Variants in PKP4 observed in about 807,000 individuals in gnomAD.
PKP4 encodes plakophilin-4.
PKP4 carries 90 observed loss-of-function variants against 145.1 expected under a neutral mutation model. That is an observed-to-expected ratio of 0.62 (90% CI 0.52 to 0.74). The LOEUF (loss-of-function observed/expected upper bound fraction) is 0.74, where lower values mean the gene tolerates loss of function less well. Ranked by LOEUF, PKP4 falls within the 30% of genes least tolerant of loss-of-function variation. PKP4 has a pLI of 0.00. For missense variants in PKP4, 1,340 were observed against 1,482.7 expected (o/e 0.90, Z 1.58); for synonymous variants, 563 against 577.2 (o/e 0.98, Z 0.35).
chr2:158,511,328 G>A (rs1375824789), intron 1 of PKP4, among the ~76,000 whole-genome samples: 2 of 152,146 alleles, frequency 1.3e-5, no homozygotes, highest in East Asian at 1.9e-4. Flanking sequence ...GGAGGTTGCA[G>A]TGAGCCAAGA....
Position 158,666,464 on chromosome 2 carries a change from C to T in PKP4, c.2629C>T (p.Leu877Phe). The T allele has an allele frequency of 1.2e-6, 2 of 1,612,520 alleles. No individual in the cohort carries two copies. Among genetic ancestry groups the T allele is most frequent in the East Asian group, 2.2e-5 (1 of 44,800 alleles). The change falls in exon 16 of 22, where the codon CTT becomes TTT. Residue 877 changes from leucine to phenylalanine, a missense_variant. Physicochemically the swap from Leu to Phe is conservative, Grantham distance 22 (BLOSUM62 0). Coordinates refer to ENST00000389759, the MANE Select transcript of PKP4 (RefSeq NM_003628.6). ...AVRKEKGLPI[L>F]VELLRMDNDR... ...CCGAAAAGAAAAGGGGCTCCCCATC[C>T]TTGTGGAGCTTCTGAGAATGGATAA...
At chr2:158,516,826 T>C (rs2041977182) in intron 1 of PKP4, among the ~76,000 whole-genome samples, 1 of 151,862 alleles carries the variant, frequency 6.6e-6, no homozygotes, top group South Asian at 2.1e-4. Context: ...CATGCCTGGC[T>C]AATTTTTTGT....
At chr2:158,588,879 G>A (rs2105812871) in intron 3 of PKP4, 1 of 152,028 alleles carries the variant, frequency 6.6e-6, no homozygotes, top group Middle Eastern at 3.4e-3. Flanking sequence ...AGCTTTTCCT[G>A]TTTTCTAGAG....
At position 158,674,019 on chromosome 2, in the gene PKP4, C is replaced by T; in HGVS notation, c.3127+19C>T. 7.7e-7 allele frequency: 1 copy of T among 1,295,922 alleles called. No individual in the cohort carries two copies. The allele number at this position is 1,295,922 out of a possible 1,614,324, so 80.3% of individuals were successfully genotyped here. On this transcript the variant is annotated intron_variant, in intron 19 of 21. Coordinates refer to ENST00000389759, the MANE Select transcript of PKP4 (RefSeq NM_003628.6). ...CAGTCAGGTCAGTGGGAAAATGCCA[C>T]TCCTTGGCGAGAACCTTTGTGTGAC...
intron 2 of PKP4, 57 bp downstream of exon 2, chr2:158,533,373 TA>T (rs1342500545): frequency 1.9e-6 from 3 of 1,584,552 alleles, no homozygotes; most frequent in Non-Finnish European, 2.6e-6. Flanking sequence ...TTTAAAAAAT[TA>T]ATCTTTGGAT....
chr2:158,547,886 C>A (rs1002566922), intron 2 of PKP4, among the ~76,000 whole-genome samples: 2 of 152,154 alleles, frequency 1.3e-5, no homozygotes, highest in South Asian at 4.1e-4. Flanking sequence ...TTAGGCTGAG[C>A]GTCGAGGAGT....
At chr2:158,665,635 A>C (rs1278975515) in intron 15 of PKP4, among the ~76,000 whole-genome samples, 1 of 152,214 alleles carries the variant, frequency 6.6e-6, no homozygotes, top group Non-Finnish European at 1.5e-5. Flanking sequence ...AGCTGGAAAC[A>C]AGATTAAAGA....
chr2:158,521,316 A>T (rs2042352858), intron 1 of PKP4, among the ~76,000 whole-genome samples: 1 of 152,230 alleles, frequency 6.6e-6, no homozygotes, highest in African/African-American at 2.4e-5. Flanking sequence ...TCTAATTACT[A>T]ATAAGGTTGA....
chr2:158,680,305 C>A lies in PKP4; in HGVS notation c.3331-124C>A, dbSNP rs2058356424. On this transcript the variant is annotated intron_variant, in intron 21 of 21. Transcript: ENST00000389759. ...AGTGTGCACCAGAAACAGCTTTTAA[C>A]CTTAAACTGCAAATATTGAATATTG... The A allele has an allele frequency of 9.4e-6, 7 of 747,572 alleles. No individual in the cohort carries two copies. The South Asian group carries it at 1.3e-4, about 14-fold the overall frequency. 46.3% of individuals were successfully genotyped at this position (747,572 alleles called of 1,614,324 possible).
intron 21 of PKP4, 71 bp from the exon 22 acceptor site, chr2:158,680,358 C>G: frequency 8.7e-7 from 1 of 1,144,936 alleles, no homozygotes; most frequent in South Asian, 1.5e-5. Context: ...AGGAAGCCCA[C>G]ATTAATTTTC....
chr2:158,498,230 C>G (rs554455656), intron 1 of PKP4, among the ~76,000 whole-genome samples: 1 of 152,170 alleles, frequency 6.6e-6, no homozygotes, highest in Non-Finnish European at 1.5e-5. Context: ...TCAAGGGATC[C>G]TCCCACCTCA....
intron 1 of PKP4, among the ~76,000 whole-genome samples, chr2:158,465,494 T>C (rs1369232170): frequency 6.6e-6 from 1 of 152,228 alleles, no homozygotes; most frequent in African/African-American, 2.4e-5. Context: ...TAATTTATGC[T>C]GTAAGACCTG....
intron 2 of PKP4, among the ~76,000 whole-genome samples, chr2:158,542,487 C>T (rs1261136281): frequency 6.6e-6 from 1 of 152,090 alleles, no homozygotes; most frequent in Non-Finnish European, 1.5e-5. Flanking sequence ...ATTTGATCTG[C>T]ACTACAGAAC....
At position 158,603,085 on chromosome 2, in the gene PKP4, A is replaced by G. The variant is rs780922206; in HGVS notation, c.261A>G (p.Ser87=). The change falls in exon 4 of 22, where the codon TCA becomes TCG. Residue 87 remains serine, a synonymous_variant. Coordinates refer to ENST00000389759, the MANE Select transcript of PKP4 (RefSeq NM_003628.6). Reference sequence around the variant, plus strand: ...TTTTCTTTAGCTCAACTGAGAAGTCATTTCCTTGGAGATCAACAGGTATGT... The same window carrying G: ...TTTTCTTTAGCTCAACTGAGAAGTCGTTTCCTTGGAGATCAACAGGTATGT... ...SIASTSSTEK[S]FPWRSTDVPN... is the part of the protein sequence containing the mutation. The G allele has an allele frequency of 6.7e-7, 1 of 1,486,178 alleles. No individual in the cohort carries two copies. The highest frequency in any genetic ancestry group is 1.3e-5 in the South Asian group (1 of 75,314). 92.1% of individuals were successfully genotyped at this position (1,486,178 alleles called of 1,614,324 possible).
chr2:158,465,084 GT>G (rs974559269), intron 1 of PKP4, among the ~76,000 whole-genome samples: 3 of 152,194 alleles, frequency 2.0e-5, no homozygotes, highest in African/African-American at 7.2e-5. Flanking sequence ...AGTAATGGGA[GT>G]CTCGGTCTTT....
At chr2:158,523,424 G>C (rs1039168361) in intron 1 of PKP4, among the ~76,000 whole-genome samples, 2 of 94,124 alleles carry the variant, frequency 2.1e-5, no homozygotes, top group African/African-American at 7.8e-5. Flanking sequence ...TGAGGGTCCT[G>C]TCTGTTAGAA....
intron 1 of PKP4, 73 bp from the exon 2 acceptor site, chr2:158,533,107 A>G: frequency 6.9e-7 from 1 of 1,444,696 alleles, no homozygotes; most frequent in Admixed American, 2.6e-5. Context: ...GTTGCTAGGA[A>G]CCATCTGTAA....
At chr2:158,624,633 T>C (rs2052574388) in intron 6 of PKP4, among the ~76,000 whole-genome samples, 1 of 149,536 alleles carries the variant, frequency 6.7e-6, no homozygotes, top group African/African-American at 2.5e-5. Flanking sequence ...TGTCTTCAGA[T>C]CTCTTTTTAC....
chr2:158,579,177 A>G (rs796488184), intron 3 of PKP4, among the ~76,000 whole-genome samples: 2 of 152,202 alleles, frequency 1.3e-5, no homozygotes, highest in Admixed American at 1.3e-4. Flanking sequence ...ATGAGCTCAC[A>G]GTGAGATAGT....
Sources: allele counts gnomAD v4.1 joint callset (sites outside exome capture counted in the v4.1 genomes callset), GRCh38; gene constraint gnomAD v4.1.1; transcripts MANE v1.5; gene names NCBI Gene and HGNC (gene_info 2026-07-23, HGNC 2026-07-21).